The following MCM6 variants were observed in gnomAD, a reference collection of about 807,000 sequenced individuals.
MCM6 encodes minichromosome maintenance complex component 6.
MCM6 carries 46 observed loss-of-function variants against 94.3 expected under a neutral mutation model. The observed-to-expected ratio is 0.49, with a 90% CI of 0.39 to 0.62. The LOEUF (loss-of-function observed/expected upper bound fraction) is 0.62. MCM6 is among the 20% of genes least tolerant of loss of function. The pLI is 0.00. For missense variants in MCM6, 865 were observed against 1,017.9 expected (o/e 0.85, Z 2.04); for synonymous variants, 335 against 351.9 (o/e 0.95, Z 0.54).
At chr2:135,869,269 C>A (rs1431401777) in intron 3 of MCM6, among the ~76,000 whole-genome samples, 1 of 151,874 alleles carries the variant, frequency 6.6e-6, no homozygotes, top group African/African-American at 2.4e-5. Context: ...GTCGTGGTGG[C>A]GGGCGCCTGT....
chr2:135,868,892 A>T, intron 3 of MCM6, 32 bp from the exon 4 acceptor site: 1 of 1,598,618 alleles, frequency 6.3e-7, no homozygotes, highest in Non-Finnish European at 8.6e-7. Flanking sequence ...ATTAGTAAAC[A>T]TTCATCTCTT....
chr2:135,868,700 G>A lies in MCM6; in HGVS notation c.526C>T (p.Gln176Ter). Residue 176 changes from glutamine to a stop codon, truncating the protein, a stop_gained, in exon 4 of 17, where the codon CAG becomes TAG. Coordinates refer to ENST00000264156, the MANE Select transcript of MCM6 (RefSeq NM_005915.6). LOFTEE classifies it high-confidence loss of function. ...ACTGGATTTCGGCAGATGTTTGGCT[G>A]TGTGTATTTGAACTGCTGTTCTACA... ...RDVEQQFKYT[Q>*]PNICRNPVCA... 6.2e-7 allele frequency: 1 copy of A among 1,614,164 alleles called. No individual in the cohort carries two copies. The highest frequency in any genetic ancestry group is 8.5e-7 in the Non-Finnish European group (1 of 1,180,028).
At position 135,862,757 on chromosome 2, in the gene MCM6, A is replaced by G. The variant is rs769541963; in HGVS notation, c.1079-9T>C. ...TTTTACTTCATCATTGCCTGAAATG[A>G]AAAGAAGCTACAGATGAAAAACTAA... On this transcript the variant is annotated splice_polypyrimidine_tract_variant and intron_variant, in intron 7 of 16. Transcript: ENST00000264156. 2.5e-6 allele frequency: 4 copies of G among 1,612,752 alleles called. No individual in the cohort carries two copies. The South Asian group carries it at 4.4e-5, about 18-fold the overall frequency.
chr2:135,844,439 T>C, intron 16 of MCM6, 106 bp downstream of exon 16: 1 of 1,002,368 alleles, frequency 1.0e-6, no homozygotes, highest in South Asian at 2.9e-5. Flanking sequence ...ACTCCAATGA[T>C]TCAAAACAAA....
intron 6 of MCM6, among the ~76,000 whole-genome samples, chr2:135,865,807 T>C (rs1481971838): frequency 3.9e-5 from 6 of 152,170 alleles, no homozygotes; most frequent in Non-Finnish European, 7.3e-5. Context: ...GCTCTCAACA[T>C]TGATGAGACA....
chr2:135,855,678 A>G (rs1039206768), intron 11 of MCM6, among the ~76,000 whole-genome samples: 4 of 152,038 alleles, frequency 2.6e-5, no homozygotes, highest in African/African-American at 7.2e-5. Flanking sequence ...ATAAATAAAA[A>G]TCCAAGCCCT....
chr2:135,845,396 A>G (rs1457133036), intron 15 of MCM6, among the ~76,000 whole-genome samples: 1 of 152,208 alleles, frequency 6.6e-6, no homozygotes, highest in African/African-American at 2.4e-5. Flanking sequence ...ATGAATCAAG[A>G]ACACCTTGAG....
At chr2:135,847,493 C>T (rs1381997763) in intron 14 of MCM6, among the ~76,000 whole-genome samples, 1 of 152,160 alleles carries the variant, frequency 6.6e-6, no homozygotes, top group Admixed American at 6.5e-5. Context: ...AACAACAATA[C>T]AAATAAGGGT....
chr2:135,858,092 A>G, intron 9 of MCM6, 88 bp from the exon 10 acceptor site: 1 of 1,204,782 alleles, frequency 8.3e-7, no homozygotes, highest in Non-Finnish European at 1.2e-6. Flanking sequence ...TGGGAGGCCA[A>G]GGCAGGAAGA....
intron 16 of MCM6, among the ~76,000 whole-genome samples, chr2:135,842,917 G>C (rs1210040101): frequency 2.0e-5 from 3 of 152,148 alleles, no homozygotes; most frequent in African/African-American, 7.2e-5. Context: ...TAATGTGAGA[G>C]AAGCACTGGA....
At chr2:135,866,815 A>C in intron 4 of MCM6, 87 bp from the exon 5 acceptor site, 1 of 1,133,864 alleles carries the variant, frequency 8.8e-7, no homozygotes, top group Non-Finnish European at 1.2e-6. Context: ...ACAAATACGG[A>C]CGTATTCTAA....
At chr2:135,867,017 T>C (rs533818693) in intron 4 of MCM6, among the ~76,000 whole-genome samples, 1 of 152,328 alleles carries the variant, frequency 6.6e-6, no homozygotes, top group East Asian at 1.9e-4. Context: ...TTTTTTTCTT[T>C]GTTCAAAATG....
chr2:135,859,172 T>C, intron 9 of MCM6, 129 bp downstream of exon 9: 2 of 702,140 alleles, frequency 2.8e-6, no homozygotes, highest in Non-Finnish European at 4.5e-6. Context: ...GGGACAAAGG[T>C]GTGAGCCACC....
Position 135,844,691 on chromosome 2 carries a change from C to A in MCM6, c.2210-7G>T. On this transcript the variant is annotated splice_polypyrimidine_tract_variant and splice_region_variant and intron_variant, in intron 15 of 16. Transcript: ENST00000264156. ...AATGCTGACTCGTCCTCTTCTGCAACAAAAAAACACATTCAAATTATCCTA... is the reference window on the plus strand; with the variant it reads ...AATGCTGACTCGTCCTCTTCTGCAAAAAAAAAACACATTCAAATTATCCTA... 1 of 1,528,308 alleles carries A rather than the reference C, an allele frequency of 6.5e-7. No homozygotes were observed. The highest frequency in any genetic ancestry group is 2.3e-5 in the Admixed American group (1 of 43,954). The allele number at this position is 1,528,308 out of a possible 1,614,324, so 94.7% of individuals were successfully genotyped here.
In MCM6 at chr2:135,847,871, T is replaced by C. The variant is rs116470405; in HGVS notation, c.2053+182A>G. Among the ~76,000 whole-genome samples the C allele has an allele frequency of 9.6e-3, 1,459 of 152,370 alleles. 18 individuals carry two copies. Among genetic ancestry groups the C allele is most frequent in the African/African-American group, 0.032 (1,312 of 41,590 alleles). On this transcript the variant is annotated intron_variant, in intron 14 of 16. Transcript: ENST00000264156. ...GCCACCGTGCCCAGCCAAGTATATATATTTTATATCAACTATTTAATTTCA... is the reference window on the plus strand; with the variant it reads ...GCCACCGTGCCCAGCCAAGTATATACATTTTATATCAACTATTTAATTTCA...
rs4988168 is a variant in MCM6 at position 135,869,739 on chromosome 2, A to G, written c.365+512T>C. On this transcript the variant is annotated intron_variant, in intron 3 of 16. Coordinates refer to ENST00000264156, the MANE Select transcript of MCM6 (RefSeq NM_005915.6). ...GAGATTCAGGAATTTCTAGAATTTC[A>G]TATTTTCTCCCTTGATCAATTTTCT... Among the ~76,000 whole-genome samples, 1,466 of 152,270 alleles carry G rather than the reference A, an allele frequency of 9.6e-3. 18 individuals carry two copies. The highest frequency in any genetic ancestry group is 0.032 in the African/African-American group (1,317 of 41,562).
intron 9 of MCM6, among the ~76,000 whole-genome samples, chr2:135,858,715 A>G (rs1679935399): frequency 6.6e-6 from 1 of 152,230 alleles, no homozygotes; most frequent in Admixed American, 6.5e-5. Context: ...CTTGTACTCA[A>G]CATCAAAACC....
chr2:135,856,841 G>T lies in MCM6; in HGVS notation c.1513C>A (p.Pro505Thr), dbSNP rs1679900003. 1 of 1,613,888 alleles carries T rather than the reference G, an allele frequency of 6.2e-7. No homozygotes were observed. The highest frequency in any genetic ancestry group is 1.3e-5 in the African/African-American group (1 of 74,904). ...ARTSILAAAN[P>T]ISGHYDRSKS... ...GATCTGTCATAGTGTCCACTGATTG[G>T]GTTTGCTGCTGCCAAAATGGACGTC... The change falls in exon 11 of 17, where the codon CCA becomes ACA. Residue 505 changes from proline (P) to threonine (T), a missense_variant. Transcript: ENST00000264156.
chr2:135,853,733 G>A (rs199667356), intron 11 of MCM6, among the ~76,000 whole-genome samples: 4 of 147,810 alleles, frequency 2.7e-5, no homozygotes, highest in Non-Finnish European at 3.0e-5. Flanking sequence ...CAGAATACTG[G>A]AAAAAAAAAA....
Sources: allele counts gnomAD v4.1 joint callset (sites outside exome capture counted in the v4.1 genomes callset), GRCh38; gene constraint gnomAD v4.1.1; transcripts MANE v1.5; gene names NCBI Gene and HGNC (gene_info 2026-07-23, HGNC 2026-07-21).